ISM1: variants seen among roughly 807,000 people sequenced by gnomAD.
ISM1 encodes isthmin-1.
Under a neutral mutation model 46.3 loss-of-function variants are expected in ISM1, and 25 were observed. That is an observed-to-expected ratio of 0.54 (90% CI 0.39 to 0.75). The LOEUF (loss-of-function observed/expected upper bound fraction) is 0.75, where lower values mean the gene tolerates loss of function less well. Ranked by LOEUF, ISM1 falls within the 30% of genes least tolerant of loss-of-function variation. The probability of loss-of-function intolerance (pLI) is 0.00; values close to 1 mark genes in which losing one functional copy is unlikely to be tolerated. For synonymous variants in ISM1, 255 were observed against 256.7 expected (o/e 0.99, Z 0.06); for missense variants, 536 against 625.4 (o/e 0.86, Z 1.52).
intron 3 of ISM1, among the ~76,000 whole-genome samples, chr20:13,286,144 C>T (rs1219778893): frequency 2.6e-5 from 4 of 152,018 alleles, no homozygotes; most frequent in African/African-American, 4.8e-5. Flanking sequence ...GCTGTTATTC[C>T]CTTTAACAAA....
chr20:13,323,738 A>T, the ISM1 span, among the ~76,000 whole-genome samples: 1 of 152,090 alleles, frequency 6.6e-6, no homozygotes, highest in Admixed American at 6.5e-5. Context: ...AAATGAGAGT[A>T]TTTAGTATTT....
At chr20:13,313,146 C>T in the ISM1 span, among the ~76,000 whole-genome samples, 1 of 152,222 alleles carries the variant, frequency 6.6e-6, no homozygotes, top group African/African-American at 2.4e-5. Flanking sequence ...CAGATCCCTT[C>T]TACAGCCTCC....
chr20:13,261,425 CAA>C (rs61066966), intron 1 of ISM1, among the ~76,000 whole-genome samples: 18 of 105,134 alleles, frequency 1.7e-4, no homozygotes, highest in Admixed American at 4.8e-4. Flanking sequence ...AACTCTGTCT[CAA>C]AAAAAAAAAA....
the ISM1 span, among the ~76,000 whole-genome samples, chr20:13,321,253 T>TACAAA: frequency 1.7e-5 from 1 of 57,522 alleles, no homozygotes; most frequent in Non-Finnish European, 3.2e-5. Context: ...GTGCCCCACA[T>TACAAA]AAAAAAAAAA....
intron 1 of ISM1, among the ~76,000 whole-genome samples, chr20:13,247,424 C>T (rs1073378): frequency 0.29 from 43,760 of 151,820 alleles, 6,529 homozygotes; most frequent in African/African-American, 0.38. Context: ...CAGTGGCTTG[C>T]AGCCTGTACA....
the ISM1 span, among the ~76,000 whole-genome samples, chr20:13,318,906 T>A: frequency 6.6e-6 from 1 of 152,200 alleles, no homozygotes; most frequent in Non-Finnish European, 1.5e-5. Context: ...CACAGAACAC[T>A]TTCAGGACAG....
chr20:13,261,977 C>G (rs1166276222), intron 1 of ISM1, among the ~76,000 whole-genome samples: 5 of 152,178 alleles, frequency 3.3e-5, no homozygotes, highest in Admixed American at 3.3e-4. Context: ...AGATGTTCGC[C>G]TTCTGGTGTC....
downstream of ISM1, among the ~76,000 whole-genome samples, chr20:13,302,885 C>T (rs2040470700): frequency 6.6e-6 from 1 of 152,118 alleles, no homozygotes; most frequent in South Asian, 2.1e-4. Context: ...TCTCTTCGGA[C>T]CCAGTTCATG....
intron 1 of ISM1, among the ~76,000 whole-genome samples, chr20:13,266,180 C>T (rs1225254443): frequency 6.6e-6 from 1 of 152,144 alleles, no homozygotes; most frequent in East Asian, 1.9e-4. Context: ...GGTCCACAGC[C>T]ACCTGAAACA....
intron 1 of ISM1, chr20:13,238,951 TC>T (rs1415802202): frequency 1.3e-5 from 2 of 152,158 alleles, no homozygotes; most frequent in Middle Eastern, 3.2e-3. Flanking sequence ...CCCTCTCTGC[TC>T]CCCTCACTGG....
intron 1 of ISM1, among the ~76,000 whole-genome samples, chr20:13,264,230 A>AT (rs1487527899): frequency 2.6e-5 from 4 of 152,196 alleles, no homozygotes; most frequent in Non-Finnish European, 5.9e-5. Context: ...AGTCTGCCTG[A>AT]TTGTGTTAAT....
intron 1 of ISM1, among the ~76,000 whole-genome samples, chr20:13,230,264 C>T (rs1407337): frequency 0.26 from 40,060 of 151,918 alleles, 5,470 homozygotes; most frequent in African/African-American, 0.35. Flanking sequence ...AAATCTTTTA[C>T]GCTACATGTT....
At chr20:13,293,019 A>AC (rs1201183388) in intron 5 of ISM1, among the ~76,000 whole-genome samples, 4 of 150,914 alleles carry the variant, frequency 2.7e-5, no homozygotes, top group Admixed American at 1.3e-4. Flanking sequence ...ACATGGTGAA[A>AC]CCCCCCCGTC....
chr20:13,266,749 T>A (rs2040047443), intron 1 of ISM1, among the ~76,000 whole-genome samples: 1 of 152,198 alleles, frequency 6.6e-6, no homozygotes, highest in South Asian at 2.1e-4. Context: ...AAGGTATCAT[T>A]TTCAGAGAAG....
chr20:13,322,482 T>C, the ISM1 span, among the ~76,000 whole-genome samples: 214 of 152,322 alleles, frequency 1.4e-3, no homozygotes, highest in African/African-American at 4.9e-3. Flanking sequence ...TCAGTTTCCT[T>C]TGATGCCCTG....
At chr20:13,235,390 C>T (rs2039636256) in intron 1 of ISM1, among the ~76,000 whole-genome samples, 1 of 152,214 alleles carries the variant, frequency 6.6e-6, no homozygotes, top group Non-Finnish European at 1.5e-5. Flanking sequence ...AGTTCTGCTC[C>T]TCAGTTAAGT....
chr20:13,245,916 C>T (rs894764288), intron 1 of ISM1, among the ~76,000 whole-genome samples: 1 of 152,184 alleles, frequency 6.6e-6, no homozygotes, highest in Admixed American at 6.5e-5. Flanking sequence ...CTTGTACCCG[C>T]CCACTCCGAT....
intron 1 of ISM1, among the ~76,000 whole-genome samples, chr20:13,251,154 C>T (rs2039864048): frequency 6.6e-6 from 1 of 152,084 alleles, no homozygotes; most frequent in Admixed American, 6.5e-5. Flanking sequence ...CCTGCAAAGC[C>T]CTGGGGATTT....
chr20:13,325,613 G>A, the ISM1 span, among the ~76,000 whole-genome samples: 76 of 152,150 alleles, frequency 5.0e-4, no homozygotes, highest in African/African-American at 1.7e-3. Flanking sequence ...TGTTCCCTTC[G>A]GAAGACGAAA....
Sources: gnomAD v4.1 joint callset for allele counts (sites outside exome capture counted in the v4.1 genomes callset) on GRCh38, gnomAD v4.1.1 for gene constraint, MANE v1.5 for transcripts, NCBI Gene and HGNC (gene_info 2026-07-23, HGNC 2026-07-21) for gene names.